Variants in EDA observed in about 807,000 individuals in gnomAD.
EDA encodes ectodysplasin-A.
EDA carries 2 observed loss-of-function variants against 23.6 expected under a neutral mutation model. The observed-to-expected ratio is 0.08, with a 90% confidence interval of 0.03 to 0.27. EDA has a LOEUF of 0.27. Ranked by LOEUF, EDA falls within the 10% of genes least tolerant of loss-of-function variation. The probability of loss-of-function intolerance (pLI) is 1.00; values close to 1 mark genes in which losing one functional copy is unlikely to be tolerated. For synonymous variants in EDA, 131 were observed against 132.0 expected, an observed-to-expected ratio of 0.99 and a Z score of 0.05; for missense variants, 229 against 324.2, an observed-to-expected ratio of 0.71 and a Z score of 2.26.
chrX:69,814,758 C>A (rs1488533793), intron 1 of EDA, among the ~76,000 whole-genome samples: 1 of 111,781 alleles, frequency 8.9e-6, no homozygotes, highest in African/African-American at 3.3e-5. Flanking sequence ...AAAGGAACCC[C>A]CATCCCCAGC....
At chrX:69,905,722 G>C (rs1490673630) in intron 1 of EDA, among the ~76,000 whole-genome samples, 3 of 111,287 alleles carry the variant, frequency 2.7e-5, no homozygotes, top group Non-Finnish European at 5.7e-5. Flanking sequence ...GTCTTTGCCT[G>C]GATCACTTTT....
intron 1 of EDA, among the ~76,000 whole-genome samples, chrX:69,856,903 G>A (rs2017268081): frequency 9.0e-6 from 1 of 111,642 alleles, no homozygotes; most frequent in African/African-American, 3.3e-5. Context: ...CTTTGTTTTT[G>A]TTGCATTTGC....
At chrX:69,800,100 G>T (rs750070600) in intron 1 of EDA, among the ~76,000 whole-genome samples, 10 of 111,703 alleles carry the variant, frequency 9.0e-5, no homozygotes, top group Non-Finnish European at 1.9e-4. Context: ...TATGTTAAGT[G>T]AAATAAGCCA....
intron 1 of EDA, among the ~76,000 whole-genome samples, chrX:69,952,962 A>C (rs2018949453): frequency 9.0e-6 from 1 of 111,466 alleles, no homozygotes; most frequent in South Asian, 3.8e-4. Flanking sequence ...CTTCATCTGC[A>C]TTTCAAAATA....
intron 1 of EDA, among the ~76,000 whole-genome samples, chrX:69,741,140 A>G (rs1011547519): frequency 9.1e-6 from 1 of 110,410 alleles, no homozygotes; most frequent in East Asian, 2.8e-4. Context: ...TTTTGAACAT[A>G]TTTATAATAC....
At chrX:69,680,935 G>T (rs1440816477) in intron 1 of EDA, among the ~76,000 whole-genome samples, 1 of 107,151 alleles carries the variant, frequency 9.3e-6, no homozygotes, top group African/African-American at 3.4e-5. Flanking sequence ...TTTACAATTT[G>T]GCATGATTTT....
chrX:69,901,775 G>A (rs970289494), intron 1 of EDA, among the ~76,000 whole-genome samples: 1 of 111,607 alleles, frequency 9.0e-6, no homozygotes, highest in African/African-American at 3.3e-5. Flanking sequence ...AGAAAAGTGG[G>A]GAGCTCAGTT....
chrX:69,653,004 A>AT (rs1343675679), intron 1 of EDA, among the ~76,000 whole-genome samples: 1 of 111,547 alleles, frequency 9.0e-6, no homozygotes, highest in Non-Finnish European at 1.9e-5. Flanking sequence ...GTTTTTTCCA[A>AT]TCTGTAAAGA....
intron 2 of EDA, among the ~76,000 whole-genome samples, chrX:69,990,945 A>G (rs925079101): frequency 3.6e-5 from 4 of 110,181 alleles, no homozygotes; most frequent in Admixed American, 9.7e-5. Context: ...TGTTGTTTCT[A>G]TATTTTGTCA....
intron 1 of EDA, among the ~76,000 whole-genome samples, chrX:69,915,865 G>A (rs192470163): frequency 1.8e-5 from 2 of 111,529 alleles, no homozygotes; most frequent in Admixed American, 1.9e-4. Context: ...GCGGGAGAGG[G>A]CAGAGAAAAC....
chrX:69,937,821 C>T (rs1305408480), intron 1 of EDA: 8 of 1,193,097 alleles, frequency 6.7e-6, no homozygotes, highest in East Asian at 3.0e-5. Flanking sequence ...TACATTACAC[C>T]GCAATAGTTG....
intron 1 of EDA, among the ~76,000 whole-genome samples, chrX:69,660,988 C>T (rs1933480335): frequency 9.0e-6 from 1 of 111,022 alleles, no homozygotes; most frequent in African/African-American, 3.3e-5. Context: ...CCTATTTTTC[C>T]ACATCCTCTC....
chrX:69,889,022 T>C (rs570470895), intron 1 of EDA, among the ~76,000 whole-genome samples: 2 of 27,668 alleles, frequency 7.2e-5, no homozygotes, highest in African/African-American at 2.3e-4. Flanking sequence ...ATATATATAT[T>C]ATGTTTTTCC....
chrX:69,716,513 C>CTTTTTTTTTTTTTTTT (rs2012343091), intron 1 of EDA, among the ~76,000 whole-genome samples: 1 of 108,363 alleles, frequency 9.2e-6, no homozygotes, highest in African/African-American at 3.5e-5. Flanking sequence ...ATGCCTTCAG[C>CTTTTTTTTTTTTTTTT]TTATTTTTTT....
At chrX:69,872,519 A>C (rs781769135) in intron 1 of EDA, among the ~76,000 whole-genome samples, 41 of 111,775 alleles carry the variant, frequency 3.7e-4, no homozygotes, top group Admixed American at 7.6e-4. Flanking sequence ...CCTAACACAT[A>C]AGGACTCACA....
intron 1 of EDA, among the ~76,000 whole-genome samples, chrX:69,677,534 G>C (rs1373117630): frequency 9.1e-6 from 1 of 109,650 alleles, no homozygotes; most frequent in South Asian, 3.9e-4. Context: ...ACTGGTGTGA[G>C]ATGGTATCTC....
intron 2 of EDA, among the ~76,000 whole-genome samples, chrX:69,998,274 CAAAG>C (rs2019689794): frequency 8.9e-6 from 1 of 112,475 alleles, no homozygotes; most frequent in African/African-American, 3.2e-5. Flanking sequence ...GACATGGAGT[CAAAG>C]GAGATCATTT....
intron 1 of EDA, among the ~76,000 whole-genome samples, chrX:69,682,019 T>A (rs757758498): frequency 5.4e-5 from 6 of 110,628 alleles, no homozygotes; most frequent in African/African-American, 2.0e-4. Flanking sequence ...GTCCTTTCTG[T>A]TTGTTAGTTT....
intron 1 of EDA, among the ~76,000 whole-genome samples, chrX:69,674,501 A>G (rs764279475): frequency 8.9e-6 from 1 of 112,202 alleles, no homozygotes; most frequent in South Asian, 3.7e-4. Flanking sequence ...TTTTACAATC[A>G]TTTACTATTA....
Sources: gnomAD v4.1 joint callset for allele counts (sites outside exome capture counted in the v4.1 genomes callset) on GRCh38, gnomAD v4.1.1 for gene constraint, MANE v1.5 for transcripts, NCBI Gene and HGNC (gene_info 2026-07-23, HGNC 2026-07-21) for gene names.